PRKX: variants seen among roughly 807,000 people sequenced by gnomAD.
PRKX encodes the protein protein kinase cAMP-dependent X-linked catalytic subunit.
PRKX carries 12 observed loss-of-function variants against 22.0 expected under a neutral mutation model. The ratio of observed to expected loss-of-function variants is 0.54; its 90% CI spans 0.35 to 0.88. The LOEUF (loss-of-function observed/expected upper bound fraction) is 0.88, where lower values mean the gene tolerates loss of function less well. Among genes scored for constraint, PRKX ranks in the 40% least tolerant of loss-of-function variants. The probability of loss-of-function intolerance (pLI) is 0.01; values close to 1 mark genes in which losing one functional copy is unlikely to be tolerated. For missense variants in PRKX, 217 were observed against 308.0 expected, an observed-to-expected ratio of 0.70 and a Z score of 2.21; for synonymous variants, 134 against 137.7, an observed-to-expected ratio of 0.97 and a Z score of 0.19.
chrX:3,702,041 T>C (rs1186203334), intron 1 of PRKX, among the ~76,000 whole-genome samples: 3 of 112,150 alleles, frequency 2.7e-5, no homozygotes, highest in Non-Finnish European at 3.8e-5. Flanking sequence ...TTGCTTTCAC[T>C]TTACTCTATG....
intron 4 of PRKX, among the ~76,000 whole-genome samples, chrX:3,638,643 G>A (rs764218364): frequency 9.0e-6 from 1 of 111,619 alleles, no homozygotes; most frequent in Non-Finnish European, 1.9e-5. Flanking sequence ...AAAGAGTAAT[G>A]GAAAATTCAA....
At chrX:3,674,254 C>T (rs1251236644) in intron 2 of PRKX, among the ~76,000 whole-genome samples, 1 of 111,007 alleles carries the variant, frequency 9.0e-6, no homozygotes, top group Non-Finnish European at 1.9e-5. Context: ...CCAGTTCTGC[C>T]GAGAGCTATA....
At chrX:3,624,398 T>C (rs1926619214) in intron 5 of PRKX, among the ~76,000 whole-genome samples, 1 of 110,463 alleles carries the variant, frequency 9.1e-6, no homozygotes, top group African/African-American at 3.3e-5. Context: ...GGGAGCTGCA[T>C]AAAGAGAGGC....
intron 2 of PRKX, among the ~76,000 whole-genome samples, chrX:3,666,915 A>ATT (rs1366028776): frequency 9.2e-6 from 1 of 108,458 alleles, no homozygotes; most frequent in Non-Finnish European, 1.9e-5. Context: ...TTCTTTTAAA[A>ATT]AAAAAAAAAA....
chrX:3,636,223 G>A (rs1926884324), intron 4 of PRKX, among the ~76,000 whole-genome samples: 1 of 112,128 alleles, frequency 8.9e-6, no homozygotes, highest in African/African-American at 3.2e-5. Context: ...GCTAAGAGTG[G>A]GAATCCAGCA....
chrX:3,700,632 A>G (rs1928542538), intron 1 of PRKX, among the ~76,000 whole-genome samples: 1 of 108,637 alleles, frequency 9.2e-6, no homozygotes, highest in Non-Finnish European at 1.9e-5. Flanking sequence ...AGGCTGGAGT[A>G]CAATGGTGCA....
intron 1 of PRKX, among the ~76,000 whole-genome samples, chrX:3,676,125 A>C (rs1310803503): frequency 1.8e-5 from 2 of 111,632 alleles, no homozygotes; most frequent in African/African-American, 6.5e-5. Context: ...CATGCAAGTC[A>C]TTCCTCAGCA....
At chrX:3,663,126 C>A (rs933090956) in intron 2 of PRKX, among the ~76,000 whole-genome samples, 1 of 109,612 alleles carries the variant, frequency 9.1e-6, no homozygotes, top group Admixed American at 9.9e-5. Context: ...AGGCATGAGC[C>A]ACTACGCCCT....
intron 1 of PRKX, among the ~76,000 whole-genome samples, chrX:3,679,983 C>T (rs1928038828): frequency 9.0e-6 from 1 of 111,417 alleles, no homozygotes; most frequent in Non-Finnish European, 1.9e-5. Context: ...GGTCTCCTCT[C>T]TCCCACTGGA....
chrX:3,655,735 T>C (rs868011189), intron 2 of PRKX, among the ~76,000 whole-genome samples: 6 of 112,383 alleles, frequency 5.3e-5, no homozygotes, highest in Middle Eastern at 4.6e-3. Context: ...TGGTATTAAA[T>C]ATGGATATAG....
chrX:3,657,621 C>G (rs1927506643), intron 2 of PRKX, among the ~76,000 whole-genome samples: 1 of 112,441 alleles, frequency 8.9e-6, no homozygotes, highest in Non-Finnish European at 1.9e-5. Flanking sequence ...TAACCTGGAA[C>G]TATCATTAAG....
chrX:3,663,501 C>T (rs760814966), intron 2 of PRKX, among the ~76,000 whole-genome samples: 1 of 100,969 alleles, frequency 9.9e-6, no homozygotes, highest in East Asian at 3.2e-4. Flanking sequence ...TAGTGGTGTG[C>T]ACTTGTGGTC....
At chrX:3,694,884 C>T (rs765411837) in intron 1 of PRKX, among the ~76,000 whole-genome samples, 50 of 109,896 alleles carry the variant, frequency 4.5e-4, no homozygotes, top group Non-Finnish European at 4.4e-4. Flanking sequence ...CCCCAGGAGC[C>T]GGGAGAGGCA....
chrX:3,634,527 C>T (rs998489441), intron 4 of PRKX, among the ~76,000 whole-genome samples: 1 of 110,681 alleles, frequency 9.0e-6, no homozygotes, highest in Admixed American at 9.7e-5. Context: ...TTTCTGACTC[C>T]AGTTCAGAAT....
At chrX:3,631,717 A>G (rs1318534584) in intron 4 of PRKX, among the ~76,000 whole-genome samples, 2 of 110,991 alleles carry the variant, frequency 1.8e-5, no homozygotes, top group Non-Finnish European at 3.8e-5. Flanking sequence ...GGAGACAGAG[A>G]CATAGAGGAG....
At chrX:3,625,205 C>T in intron 5 of PRKX, among the ~76,000 whole-genome samples, 1 of 111,200 alleles carries the variant, frequency 9.0e-6, no homozygotes, top group East Asian at 2.8e-4. Flanking sequence ...ATGCTCAAGC[C>T]AATAAAACAC....
intron 2 of PRKX, among the ~76,000 whole-genome samples, chrX:3,656,537 T>C (rs1425285751): frequency 3.6e-5 from 4 of 111,232 alleles, no homozygotes; most frequent in Non-Finnish European, 7.5e-5. Context: ...TGCTAATATA[T>C]GTGATAGACA....
At chrX:3,662,764 T>C (rs1927627282) in intron 2 of PRKX, among the ~76,000 whole-genome samples, 1 of 106,409 alleles carries the variant, frequency 9.4e-6, no homozygotes, top group Admixed American at 1.0e-4. Flanking sequence ...CCTATCTACT[T>C]GAGAGACAGA....
intron 3 of PRKX, among the ~76,000 whole-genome samples, chrX:3,654,668 G>C (rs1464847917): frequency 1.9e-5 from 2 of 107,737 alleles, no homozygotes; most frequent in Non-Finnish European, 3.8e-5. Flanking sequence ...TTTCTGTAGA[G>C]ACGGGGTCTC....
Sources: gnomAD v4.1 joint callset for allele counts (sites outside exome capture counted in the v4.1 genomes callset) on GRCh38, gnomAD v4.1.1 for gene constraint, MANE v1.5 for transcripts, NCBI Gene and HGNC (gene_info 2026-07-23, HGNC 2026-07-21) for gene names.